Variants in KCNJ6 observed in about 807,000 individuals in gnomAD.
KCNJ6 encodes potassium inwardly rectifying channel subfamily J member 6.
A neutral mutation model predicts 34.2 loss-of-function variants in KCNJ6; 9 were observed. That is an observed-to-expected ratio of 0.26 (90% CI 0.16 to 0.46). KCNJ6 has a LOEUF of 0.46. Among genes scored for constraint, KCNJ6 ranks in the 20% least tolerant of loss-of-function variants. The pLI, the probability that KCNJ6 is intolerant of heterozygous loss-of-function variation, is 1.00. For synonymous variants in KCNJ6, 196 were observed against 207.1 expected (o/e 0.95, Z 0.46); for missense variants, 236 against 531.3 (o/e 0.44, Z 5.46).
chr21:37,834,335 T>C (rs1486395656), intron 2 of KCNJ6, among the ~76,000 whole-genome samples: 1 of 152,250 alleles, frequency 6.6e-6, no homozygotes, highest in Non-Finnish European at 1.5e-5. Flanking sequence ...GTTCTAGCAC[T>C]TACAGTCCCA....
At chr21:37,812,097 C>T (rs928035557) in intron 2 of KCNJ6, among the ~76,000 whole-genome samples, 1 of 152,110 alleles carries the variant, frequency 6.6e-6, no homozygotes, top group Non-Finnish European at 1.5e-5. Context: ...CTTCTGACCC[C>T]CGTGAAATTG....
intron 3 of KCNJ6, among the ~76,000 whole-genome samples, chr21:37,654,973 C>A (rs1271503376): frequency 2.6e-5 from 4 of 152,098 alleles, no homozygotes; most frequent in African/African-American, 9.7e-5. Context: ...GAGCTATGGG[C>A]AAGTACTACA....
intron 3 of KCNJ6, among the ~76,000 whole-genome samples, chr21:37,680,948 G>A (rs570610520): frequency 6.6e-5 from 10 of 152,286 alleles, no homozygotes; most frequent in Admixed American, 2.0e-4. Context: ...CCCTCCTGGC[G>A]CTTCTTTAAC....
At chr21:37,639,284 T>C (rs2054371084) in intron 3 of KCNJ6, among the ~76,000 whole-genome samples, 1 of 152,252 alleles carries the variant, frequency 6.6e-6, no homozygotes, top group Non-Finnish European at 1.5e-5. Flanking sequence ...AAATAGCCTT[T>C]TGTTAATTCT....
intron 1 of KCNJ6, among the ~76,000 whole-genome samples, chr21:37,850,338 C>T (rs528284139): frequency 2.2e-4 from 33 of 151,986 alleles, no homozygotes; most frequent in Middle Eastern, 6.8e-3. Flanking sequence ...AATACTGGTC[C>T]GCGGCCTGTT....
Position 37,846,948 on chromosome 21 carries a change from A to AATGCC in KCNJ6, c.-27-6244_-27-6240dup, listed in dbSNP as rs549617074. On this transcript the variant is annotated intron_variant, in intron 1 of 3. Coordinates refer to ENST00000609713, the MANE Select transcript of KCNJ6 (RefSeq NM_002240.5). ...CACCTGAGGACTGATTTAAATGGAA[A>AATGCC]ATGCCACATCCTCAGATAGCCAAGC... Among the ~76,000 whole-genome samples the AATGCC allele has an allele frequency of 9.9e-5, 15 of 152,202 alleles. No individual in the cohort carries two copies. The East Asian group carries it at 2.7e-3, about 28-fold the overall frequency.
chr21:37,669,304 T>G (rs1381671998), intron 3 of KCNJ6, among the ~76,000 whole-genome samples: 1 of 152,186 alleles, frequency 6.6e-6, no homozygotes, highest in Non-Finnish European at 1.5e-5. Context: ...CCCTAAAACG[T>G]ATATGACCAA....
chr21:37,634,845 C>T (rs2054350242), intron 3 of KCNJ6, among the ~76,000 whole-genome samples: 1 of 151,180 alleles, frequency 6.6e-6, no homozygotes, highest in Admixed American at 6.6e-5. Context: ...TGCAGTTTCT[C>T]CCTCCTGGGT....
At chr21:37,747,140 G>A (rs536355054) in intron 2 of KCNJ6, among the ~76,000 whole-genome samples, 2 of 152,222 alleles carry the variant, frequency 1.3e-5, no homozygotes, top group Admixed American at 6.5e-5. Context: ...AAGACGCCCT[G>A]CCAGGGTTCA....
chr21:37,886,480 T>G (rs1447392516), intron 1 of KCNJ6, among the ~76,000 whole-genome samples: 2 of 152,202 alleles, frequency 1.3e-5, no homozygotes, highest in African/African-American at 4.8e-5. Context: ...CCAAGCTCCT[T>G]AAAGAATCTC....
chr21:37,682,869 T>C (rs1412394326), intron 3 of KCNJ6, among the ~76,000 whole-genome samples: 1 of 152,068 alleles, frequency 6.6e-6, no homozygotes, highest in Non-Finnish European at 1.5e-5. Flanking sequence ...CTGCAGCCTA[T>C]TGGGAAGTTC....
At chr21:37,902,484 G>C (rs1050290470) in intron 1 of KCNJ6, among the ~76,000 whole-genome samples, 1 of 152,166 alleles carries the variant, frequency 6.6e-6, no homozygotes, top group Non-Finnish European at 1.5e-5. Flanking sequence ...TGGAATAATA[G>C]ATTCTGTATT....
chr21:37,625,838 A>C (rs565975382), intron 3 of KCNJ6, among the ~76,000 whole-genome samples: 5 of 152,160 alleles, frequency 3.3e-5, no homozygotes, highest in Non-Finnish European at 7.3e-5. Flanking sequence ...TGAAGCCATG[A>C]CTCTGGCCTC....
At chr21:37,812,148 C>A (rs1177223878) in intron 2 of KCNJ6, among the ~76,000 whole-genome samples, 7 of 152,130 alleles carry the variant, frequency 4.6e-5, no homozygotes, top group Non-Finnish European at 7.3e-5. Flanking sequence ...AATAAAAATG[C>A]TCTGGTTATA....
intron 2 of KCNJ6, among the ~76,000 whole-genome samples, chr21:37,729,604 G>T (rs982780155): frequency 6.6e-6 from 1 of 152,200 alleles, no homozygotes; most frequent in Non-Finnish European, 1.5e-5. Flanking sequence ...CATTATAGGC[G>T]TGAGCCACCA....
intron 1 of KCNJ6, among the ~76,000 whole-genome samples, chr21:37,862,183 C>G (rs897409993): frequency 1.3e-5 from 2 of 152,206 alleles, no homozygotes; most frequent in Non-Finnish European, 2.9e-5. Context: ...CTGTATTTTG[C>G]TTACAATCAG....
At chr21:37,832,509 C>T (rs2055431176) in intron 2 of KCNJ6, among the ~76,000 whole-genome samples, 1 of 152,184 alleles carries the variant, frequency 6.6e-6, no homozygotes, top group Non-Finnish European at 1.5e-5. Flanking sequence ...GGGCTCCCAT[C>T]TAGAATTCTG....
In KCNJ6 at chr21:37,649,920, A is replaced by AT. The variant is rs10597774; in HGVS notation, c.947-24437dup. ...AGACGCCCGCCACCACACCCAGCTA[A>AT]TTTTTTTTTTTTTTTTGTATTTTTA... On this transcript the variant is annotated intron_variant, in intron 3 of 3. Coordinates refer to ENST00000609713, the MANE Select transcript of KCNJ6 (RefSeq NM_002240.5). 4.4e-4 allele frequency among the ~76,000 whole-genome samples: 64 copies of AT among 143,974 alleles called. 1 individual carries two copies. Among genetic ancestry groups the AT allele is most frequent in the African/African-American group, 1.5e-3 (58 of 38,364 alleles). 94.5% of individuals were successfully genotyped at this position (143,974 alleles called of 152,430 possible). A position where few individuals can be genotyped will look rare whatever the true frequency, so the allele number is the denominator to read the frequency against.
intron 3 of KCNJ6, among the ~76,000 whole-genome samples, chr21:37,643,474 C>T (rs1443726572): frequency 1.3e-5 from 2 of 152,182 alleles, no homozygotes; most frequent in African/African-American, 4.8e-5. Flanking sequence ...TCTACCCTTG[C>T]TCCTGGAAAA....
Sources: gnomAD v4.1 joint callset for allele counts (sites outside exome capture counted in the v4.1 genomes callset) on GRCh38, gnomAD v4.1.1 for gene constraint, MANE v1.5 for transcripts, NCBI Gene and HGNC (gene_info 2026-07-23, HGNC 2026-07-21) for gene names.